The following CEP112 variants were observed in gnomAD, a reference collection of about 807,000 sequenced individuals.
CEP112 encodes the protein centrosomal protein of 112 kDa.
Under a neutral mutation model 153.0 loss-of-function variants are expected in CEP112, and 127 were observed. That is an observed-to-expected ratio of 0.83 (90% CI 0.72 to 0.96). CEP112 has a LOEUF of 0.96. Among genes scored for constraint, CEP112 ranks in the 40% least tolerant of loss-of-function variants. The pLI is 0.00. For synonymous variants in CEP112, 358 were observed against 374.4 expected, an observed-to-expected ratio of 0.96 and a Z score of 0.51; for missense variants, 1,089 against 1,101.2, an observed-to-expected ratio of 0.99 and a Z score of 0.16.
At chr17:65,636,676 AT>A (rs987798450) in intron 26 of CEP112, 16 of 158,342 alleles carry the variant, frequency 1.0e-4, no homozygotes, top group Middle Eastern at 3.2e-3. Context: ...CAGTGGTGTG[AT>A]CTCAGCTCAC....
chr17:65,697,894 T>C (rs183830997), intron 23 of CEP112, among the ~76,000 whole-genome samples: 166 of 152,342 alleles, frequency 1.1e-3, no homozygotes, highest in Non-Finnish European at 1.5e-3. Context: ...GCTGCAGATC[T>C]AAAGCCAGAG....
chr17:65,969,394 TACC>T (rs1391870477), intron 17 of CEP112, among the ~76,000 whole-genome samples: 1 of 152,216 alleles, frequency 6.6e-6, no homozygotes, highest in Non-Finnish European at 1.5e-5. Context: ...GCATAATACA[TACC>T]ACATGCATAT....
chr17:65,825,029 G>C (rs2056770979), intron 21 of CEP112, among the ~76,000 whole-genome samples: 1 of 152,272 alleles, frequency 6.6e-6, no homozygotes, highest in Admixed American at 6.5e-5. Context: ...ACACATCCAT[G>C]TTCACAAAAA....
At chr17:65,913,899 A>G in intron 19 of CEP112, 2 of 983,384 alleles carry the variant, frequency 2.0e-6, no homozygotes, top group Non-Finnish European at 2.4e-6. Context: ...CTTCTCCAGC[A>G]CCTGTAGGTG....
chr17:66,004,452 C>T (rs1457758000), intron 17 of CEP112, among the ~76,000 whole-genome samples: 1 of 152,186 alleles, frequency 6.6e-6, no homozygotes. Context: ...GATCGCACCA[C>T]TGCACTCCAG....
chr17:65,758,943 C>T (rs2052447657), intron 21 of CEP112, among the ~76,000 whole-genome samples: 1 of 152,172 alleles, frequency 6.6e-6, no homozygotes. Flanking sequence ...TACTGAGCTA[C>T]ATTCCCAGGA....
At chr17:66,164,886 ATGTGTGTGTGTGTGTGTG>A (rs57252258) in intron 4 of CEP112, among the ~76,000 whole-genome samples, 1 of 137,506 alleles carries the variant, frequency 7.3e-6, no homozygotes, top group African/African-American at 2.7e-5. Context: ...ACACACATAT[ATGTGTGTGTGTGTGTGTG>A]TGTGTGTGTG....
At chr17:66,190,003 G>C (rs112049130) in intron 1 of CEP112, among the ~76,000 whole-genome samples, 22,103 of 152,168 alleles carry the variant, frequency 0.15, 2,036 homozygotes, top group Non-Finnish European at 0.21. Flanking sequence ...CTGCACTCCA[G>C]CCTGAGCAAT....
At chr17:66,048,636 G>C (rs2066314677) in intron 12 of CEP112, among the ~76,000 whole-genome samples, 1 of 152,102 alleles carries the variant, frequency 6.6e-6, no homozygotes, top group Non-Finnish European at 1.5e-5. Context: ...TTGAGACAGA[G>C]TCTCGCTCTG....
intron 18 of CEP112, among the ~76,000 whole-genome samples, chr17:65,932,634 C>T (rs2061165199): frequency 6.6e-6 from 1 of 152,162 alleles, no homozygotes. Context: ...AACTTACAAT[C>T]ATGGCAGAAG....
At chr17:66,126,479 G>A (rs781301446) in intron 6 of CEP112, among the ~76,000 whole-genome samples, 5 of 151,748 alleles carry the variant, frequency 3.3e-5, no homozygotes, top group African/African-American at 4.8e-5. Context: ...TACAAATAGC[G>A]AATACCCACA....
chr17:66,043,014 T>A, intron 12 of CEP112: 1 of 777,176 alleles, frequency 1.3e-6, no homozygotes, highest in Non-Finnish European at 1.6e-6. Context: ...CTATGAATTA[T>A]CATATGTCAC....
At position 65,889,018 on chromosome 17, in the gene CEP112, C is replaced by G. The variant is rs558554830; in HGVS notation, c.2163+13134G>C. On this transcript the variant is annotated intron_variant, in intron 20 of 26. Transcript: ENST00000535342. ...TTAATCCCTGCTTCCCTAGGTGAGG[C>G]GTGAAGGCTTTCTTAGTACCTAATT... 9.2e-5 allele frequency among the ~76,000 whole-genome samples: 14 copies of G among 152,190 alleles called. No individual in the cohort carries two copies. In the South Asian group the frequency reaches 2.5e-3, roughly 27 times the overall value.
chr17:65,823,164 T>C (rs1220966973), intron 21 of CEP112, among the ~76,000 whole-genome samples: 1 of 152,042 alleles, frequency 6.6e-6, no homozygotes, highest in Non-Finnish European at 1.5e-5. Flanking sequence ...AATATCTCGG[T>C]AGGATTTTGT....
intron 1 of CEP112, among the ~76,000 whole-genome samples, chr17:66,185,247 G>A (rs1182296045): frequency 6.6e-6 from 1 of 152,204 alleles, no homozygotes; most frequent in African/African-American, 2.4e-5. Context: ...TTGAGACAGA[G>A]TCTTGCTCTG....
chr17:65,643,215 G>A (rs2045242927), intron 24 of CEP112, among the ~76,000 whole-genome samples: 1 of 152,220 alleles, frequency 6.6e-6, no homozygotes, highest in Non-Finnish European at 1.5e-5. Context: ...ATCTGGACAG[G>A]TGGAGGCAGA....
intron 21 of CEP112, among the ~76,000 whole-genome samples, chr17:65,821,523 T>A (rs1380635464): frequency 8.4e-5 from 2 of 23,796 alleles, no homozygotes; most frequent in East Asian, 2.9e-3. Flanking sequence ...ATTATATATA[T>A]ATATATATAT....
intron 18 of CEP112, among the ~76,000 whole-genome samples, chr17:65,959,875 A>C (rs75433550): frequency 0.011 from 1,707 of 152,304 alleles, 34 homozygotes; most frequent in African/African-American, 0.039. Context: ...TGTTGGATAC[A>C]GGCAGTAGCC....
At chr17:65,727,314 T>C (rs1354108689) in intron 23 of CEP112, among the ~76,000 whole-genome samples, 1 of 152,240 alleles carries the variant, frequency 6.6e-6, no homozygotes, top group Non-Finnish European at 1.5e-5. Context: ...TCATGTTCTT[T>C]GCTCTTTTTG....
Sources: allele counts gnomAD v4.1 joint callset (sites outside exome capture counted in the v4.1 genomes callset), GRCh38; gene constraint gnomAD v4.1.1; transcripts MANE v1.5; gene names NCBI Gene and HGNC (gene_info 2026-07-23, HGNC 2026-07-21).